Variants in IMPA2 observed in about 807,000 individuals in gnomAD.
The protein encoded by IMPA2 is IMP 2.
In IMPA2, 32 loss-of-function variants were observed where a neutral mutation model predicts 35.1. The observed-to-expected ratio is 0.91, with a 90% CI of 0.69 to 1.23. The LOEUF (loss-of-function observed/expected upper bound fraction) is 1.23. Ranked by LOEUF, IMPA2 falls within the 50% of genes most tolerant of loss-of-function variation. The probability of loss-of-function intolerance (pLI) is 0.00; values close to 1 mark genes in which losing one functional copy is unlikely to be tolerated. For synonymous variants in IMPA2, 135 were observed against 160.6 expected (o/e 0.84, Z 1.20); for missense variants, 334 against 387.6 (o/e 0.86, Z 1.16).
chr18:11,985,134 C>T (rs1228353944), intron 1 of IMPA2, among the ~76,000 whole-genome samples: 8 of 114,158 alleles, frequency 7.0e-5, no homozygotes, highest in Middle Eastern at 0.012. Context: ...GTGATAAGAG[C>T]GAAACTCTGT....
At chr18:12,002,308 T>G (rs1048453940) in intron 2 of IMPA2, among the ~76,000 whole-genome samples, 3 of 152,228 alleles carry the variant, frequency 2.0e-5, no homozygotes, top group Non-Finnish European at 2.9e-5. Context: ...TCTCTTTCCT[T>G]GATTTTAGTC....
intron 5 of IMPA2, among the ~76,000 whole-genome samples, chr18:12,015,872 A>G (rs1907563244): frequency 6.6e-6 from 1 of 152,180 alleles, no homozygotes; most frequent in African/African-American, 2.4e-5. Flanking sequence ...GGATTATAAC[A>G]CTGAACTCTA....
Position 12,030,466 on chromosome 18 carries a change from T to A in IMPA2, c.*8T>A. The A allele has an allele frequency of 6.2e-7, 1 of 1,612,074 alleles. No individual in the cohort carries two copies. Among genetic ancestry groups the A allele is most frequent in the Non-Finnish European group, 8.5e-7 (1 of 1,178,110 alleles). ...CGGGATGATGAGAAGTGACTGCGGC[T>A]GAGGCAAAGCTGCTCCCAAGGCCTC... On this transcript the variant is annotated 3_prime_UTR_variant, in exon 8 of 8. Coordinates refer to ENST00000269159, the MANE Select transcript of IMPA2 (RefSeq NM_014214.3).
chr18:11,982,978 C>T (rs1452176259), intron 1 of IMPA2, among the ~76,000 whole-genome samples: 2 of 152,062 alleles, frequency 1.3e-5, no homozygotes, highest in African/African-American at 4.8e-5. Context: ...TGAAGTGAGT[C>T]GTCATAAAGT....
At chr18:12,014,677 C>T (rs1030565420) in intron 5 of IMPA2, among the ~76,000 whole-genome samples, 2 of 152,050 alleles carry the variant, frequency 1.3e-5, no homozygotes, top group African/African-American at 4.8e-5. Flanking sequence ...GTGAGCAGCC[C>T]GAGGCCAGGT....
rs1568029836 is a variant in IMPA2 at position 11,998,925 on chromosome 18, G to GCCC, written c.97-127_97-126insCCC. Reference sequence around the variant, plus strand: ...CCACAGAGCCACACCTGCTGCCCCCGCCGCCCCCCCCCCCCCCCCCCACCC... The same window carrying GCCC: ...CCACAGAGCCACACCTGCTGCCCCCGCCCCCGCCCCCCCCCCCCCCCCCCACCC... On this transcript the variant is annotated intron_variant, in intron 1 of 7. Transcript: ENST00000269159. 2 of 37,054 alleles carry GCCC rather than the reference G, an allele frequency of 5.4e-5. 1 individual carries two copies. The highest frequency in any genetic ancestry group is 3.7e-4 in the South Asian group (2 of 5,388). The allele number at this position is 37,054 out of a possible 1,614,324, so 2.3% of individuals were successfully genotyped here. A position where few individuals can be genotyped will look rare whatever the true frequency, so the allele number is the denominator to read the frequency against.
chr18:11,983,115 A>G (rs1170658982), intron 1 of IMPA2, among the ~76,000 whole-genome samples: 2 of 151,682 alleles, frequency 1.3e-5, no homozygotes, highest in African/African-American at 4.8e-5. Flanking sequence ...CAAGCCTCAG[A>G]CCGTAAAGAA....
At chr18:12,006,158 T>C (rs1402131608) in intron 2 of IMPA2, among the ~76,000 whole-genome samples, 2 of 152,264 alleles carry the variant, frequency 1.3e-5, no homozygotes, top group African/African-American at 4.8e-5. Context: ...CTGGCAGTGC[T>C]GACAGCACTT....
chr18:12,010,139 G>A lies in IMPA2; in HGVS notation c.335+152G>A. On this transcript the variant is annotated intron_variant, in intron 3 of 7. Coordinates refer to ENST00000269159, the MANE Select transcript of IMPA2 (RefSeq NM_014214.3). This position sits in a 1 kb window ranked among gnomAD's most constrained non-coding sequence, Gnocchi z 4.8. Reference sequence around the variant, plus strand: ...CTCATCAGAAAGATGATCAGATCTTGATATTTTTAAAATAAGGTTTTCCGT... The same window carrying A: ...CTCATCAGAAAGATGATCAGATCTTAATATTTTTAAAATAAGGTTTTCCGT... The A allele has an allele frequency of 1.8e-6, 1 of 544,704 alleles. No individual in the cohort carries two copies. Among genetic ancestry groups the A allele is most frequent in the Non-Finnish European group, 3.2e-6 (1 of 308,862 alleles). The allele number at this position is 544,704 out of a possible 1,614,324, so 33.7% of individuals were successfully genotyped here.
rs769182367 is a variant in IMPA2, at chr18:12,030,585, T to A, written c.*127T>A. The A allele has an allele frequency of 6.0e-6, 4 of 670,298 alleles. No individual in the cohort carries two copies. The African/African-American group carries it at 7.2e-5, about 12-fold the overall frequency. 41.5% of individuals were successfully genotyped at this position (670,298 alleles called of 1,614,324 possible). ...CTGCTCCTGGCTACCCCAGAGGGAG[T>A]TGTCACGCTACAGTGAGTGGCTGGC... is the stretch of plus-strand genomic sequence containing the variant. On this transcript the variant is annotated 3_prime_UTR_variant, in exon 8 of 8. Coordinates refer to ENST00000269159, the MANE Select transcript of IMPA2 (RefSeq NM_014214.3).
In IMPA2 at chr18:12,010,314, G is replaced by A; in HGVS notation, c.335+327G>A. 1 of 253,616 alleles carries A rather than the reference G, an allele frequency of 3.9e-6. No homozygotes were observed. Among genetic ancestry groups the A allele is most frequent in the Non-Finnish European group, 7.6e-6 (1 of 130,796 alleles). The allele number at this position is 253,616 out of a possible 1,614,324, so 15.7% of individuals were successfully genotyped here. On this transcript the variant is annotated intron_variant, in intron 3 of 7. Coordinates refer to ENST00000269159, the MANE Select transcript of IMPA2 (RefSeq NM_014214.3). This position sits in a 1 kb window ranked among gnomAD's most constrained non-coding sequence, Gnocchi z 4.8. ...CACCCCCACTGGAGAAAAAGGTGAG[G>A]TTGGGATACAAAGCCTGTGCTGCCC... is the stretch of plus-strand genomic sequence containing the variant.
At chr18:12,002,566 G>A (rs1907141180) in intron 2 of IMPA2, among the ~76,000 whole-genome samples, 1 of 152,076 alleles carries the variant, frequency 6.6e-6, no homozygotes, top group Non-Finnish European at 1.5e-5. Flanking sequence ...TTGAGCCCAG[G>A]AGTTTGAGAC....
intron 5 of IMPA2, among the ~76,000 whole-genome samples, chr18:12,024,836 A>C (rs1323606476): frequency 1.3e-5 from 2 of 151,328 alleles, no homozygotes; most frequent in Non-Finnish European, 2.9e-5. Context: ...GTTCCTATAC[A>C]CCTCCTGTCC....
chr18:12,029,431 T>C (rs1290333412), intron 7 of IMPA2, among the ~76,000 whole-genome samples: 1 of 141,370 alleles, frequency 7.1e-6, no homozygotes, highest in African/African-American at 2.8e-5. Context: ...ACATTTTTTC[T>C]TTTTTTTTTG....
At chr18:12,027,272 C>T (rs1470853884) in intron 5 of IMPA2, among the ~76,000 whole-genome samples, 1 of 152,178 alleles carries the variant, frequency 6.6e-6, no homozygotes, top group East Asian at 1.9e-4. Flanking sequence ...GGAGCAGAAT[C>T]CCGGTCACGT....
Position 11,981,748 on chromosome 18 carries a change from G to A in IMPA2, c.79G>A (p.Ala27Thr), listed in dbSNP as rs1054330197. The A allele has an allele frequency of 8.1e-7, 1 of 1,229,072 alleles. No individual in the cohort carries two copies. Among genetic ancestry groups the A allele is most frequent in the Admixed American group, 4.2e-5 (1 of 23,588 alleles). 76.1% of individuals were successfully genotyped at this position (1,229,072 alleles called of 1,614,324 possible). ...EECFQAAVQL[A>T]LRAGQIIRKA... ...GTGCTTCCAGGCGGCCGTGCAGCTG[G>A]CGCTGCGGGCAGGACAGGTGAGCGC... Residue 27 changes from alanine (A) to threonine (T), a missense_variant, in exon 1 of 8, where the codon GCG (alanine) becomes ACG (threonine). Ala to Thr is a moderately conservative substitution (Grantham distance 58, BLOSUM62 0). Transcript: ENST00000269159.
intron 2 of IMPA2, among the ~76,000 whole-genome samples, chr18:12,007,378 C>T (rs926904653): frequency 3.9e-5 from 6 of 152,140 alleles, no homozygotes; most frequent in Non-Finnish European, 8.8e-5. Flanking sequence ...TACTGTAAGG[C>T]GCTGAGCGGT....
rs150571302 is a variant in IMPA2, at chr18:12,030,223, G to A, written c.752-120G>A. On this transcript the variant is annotated intron_variant, in intron 7 of 7. Coordinates refer to ENST00000269159, the MANE Select transcript of IMPA2 (RefSeq NM_014214.3). ...CCACCTGTTTAATACGAGTGTTGGG[G>A]CTTGGGCACGGTTCCATGTGCCATT... 3.9e-4 allele frequency: 281 copies of A among 719,018 alleles called. No individual in the cohort carries two copies. The African/African-American group carries it at 4.1e-3, about 10-fold the overall frequency. 44.5% of individuals were successfully genotyped at this position (719,018 alleles called of 1,614,324 possible).
intron 1 of IMPA2, among the ~76,000 whole-genome samples, chr18:11,982,276 A>G (rs1045551963): frequency 2.0e-5 from 3 of 152,234 alleles, no homozygotes; most frequent in Admixed American, 6.5e-5. Flanking sequence ...GGAACTTGTT[A>G]CACTGCCCGG....
Sources: gnomAD v4.1 joint callset for allele counts (sites outside exome capture counted in the v4.1 genomes callset) on GRCh38, gnomAD v4.1.1 for gene constraint, Gnocchi (gnomAD v3.1) non-coding constraint, MANE v1.5 for transcripts, NCBI Gene and HGNC (gene_info 2026-07-23, HGNC 2026-07-21) for gene names.